Variants in FBXW7 observed in about 807,000 individuals in gnomAD.
The protein encoded by FBXW7 is F-box and WD repeat domain containing 7.
In FBXW7, 11 loss-of-function variants were observed where a neutral mutation model predicts 86.3. The observed-to-expected ratio is 0.13, with a 90% CI of 0.08 to 0.21. FBXW7 has a LOEUF of 0.21. Ranked by LOEUF, FBXW7 falls within the 10% of genes least tolerant of loss-of-function variation. FBXW7 has a pLI of 1.00. For synonymous variants in FBXW7, 313 were observed against 297.9 expected (o/e 1.05, Z -0.52); for missense variants, 488 against 847.4 (o/e 0.58, Z 5.27).
At chr4:152,454,102 G>A (rs1157798672) in intron 2 of FBXW7, among the ~76,000 whole-genome samples, 2 of 151,952 alleles carry the variant, frequency 1.3e-5, no homozygotes, top group Non-Finnish European at 2.9e-5. Context: ...ACGATATTAA[G>A]TAATACCAGT....
At chr4:152,364,588 CT>C (rs1471971676) in intron 4 of FBXW7, among the ~76,000 whole-genome samples, 1 of 152,142 alleles carries the variant, frequency 6.6e-6, no homozygotes, top group East Asian at 1.9e-4. Flanking sequence ...AAATACTTGA[CT>C]TACTAACCAA....
chr4:152,355,972 T>C (rs1366377373), intron 4 of FBXW7, among the ~76,000 whole-genome samples: 1 of 152,108 alleles, frequency 6.6e-6, no homozygotes, highest in Non-Finnish European at 1.5e-5. Flanking sequence ...ATAGTGTATA[T>C]ACAGTGAGAA....
chr4:152,472,591 C>T (rs974020858), intron 2 of FBXW7, among the ~76,000 whole-genome samples: 4 of 151,994 alleles, frequency 2.6e-5, no homozygotes, highest in South Asian at 2.1e-4. Context: ...CAAAAAAAAG[C>T]CAAGCTAATC....
intron 2 of FBXW7, among the ~76,000 whole-genome samples, chr4:152,515,785 A>G (rs1284842135): frequency 6.6e-6 from 1 of 151,696 alleles, no homozygotes; most frequent in African/African-American, 2.4e-5. Context: ...GCACTGTCCA[A>G]GCAATAATGT....
chr4:152,327,138 T>C (rs1481579135), intron 11 of FBXW7, among the ~76,000 whole-genome samples: 2 of 152,014 alleles, frequency 1.3e-5, no homozygotes, highest in East Asian at 3.9e-4. Context: ...AAAAAGTAGA[T>C]AATTAAAGGG....
At chr4:152,440,596 T>C (rs1016074202) in intron 2 of FBXW7, among the ~76,000 whole-genome samples, 4 of 152,222 alleles carry the variant, frequency 2.6e-5, no homozygotes, top group African/African-American at 9.6e-5. Context: ...TAAAACTTCT[T>C]ATGATTTTCT....
At chr4:152,426,093 TAATG>T (rs1245563064) in intron 2 of FBXW7, among the ~76,000 whole-genome samples, 1 of 152,140 alleles carries the variant, frequency 6.6e-6, no homozygotes, top group African/African-American at 2.4e-5. Context: ...AACCAGGTGG[TAATG>T]TTCCTGGGCA....
chr4:152,510,404 C>A (rs1404819665), intron 2 of FBXW7, among the ~76,000 whole-genome samples: 1 of 152,156 alleles, frequency 6.6e-6, no homozygotes, highest in Non-Finnish European at 1.5e-5. Context: ...ATACTCCCAA[C>A]AACAGTATGA....
rs192588329 is a variant in FBXW7 at position 152,441,331 on chromosome 4, C to T, written c.-119-28802G>A. Among the ~76,000 whole-genome samples, 1,451 of 152,194 alleles carry T rather than the reference C, an allele frequency of 9.5e-3. 27 individuals carry two copies. The highest frequency in any genetic ancestry group is 0.033 in the African/African-American group (1,353 of 41,534). ...CATCAGTAGCTTTGATTTTCTCTAC[C>T]CCTAAGCCTTTCAGAAATTTGCTCC... On this transcript the variant is annotated intron_variant, in intron 2 of 13. Coordinates refer to ENST00000281708, the MANE Select transcript of FBXW7 (RefSeq NM_001349798.2).
At chr4:152,362,554 T>C (rs1733066964) in intron 4 of FBXW7, among the ~76,000 whole-genome samples, 2 of 152,160 alleles carry the variant, frequency 1.3e-5, no homozygotes, top group African/African-American at 4.8e-5. Context: ...CTCATGCCTG[T>C]AATCCCAGCA....
intron 6 of FBXW7, among the ~76,000 whole-genome samples, chr4:152,341,669 T>C (rs1017328453): frequency 3.9e-5 from 6 of 152,212 alleles, no homozygotes; most frequent in Admixed American, 6.5e-5. Flanking sequence ...TTCTATTCTT[T>C]ATATTTGATG....
chr4:152,526,535 A>C (rs1181845737), intron 2 of FBXW7, among the ~76,000 whole-genome samples: 1 of 152,236 alleles, frequency 6.6e-6, no homozygotes, highest in East Asian at 1.9e-4. Flanking sequence ...ACAAAAACTA[A>C]AATTAAGTAG....
chr4:152,345,675 T>C (rs1578942432), intron 6 of FBXW7, among the ~76,000 whole-genome samples: 3 of 152,162 alleles, frequency 2.0e-5, no homozygotes, highest in African/African-American at 4.8e-5. Context: ...AAAAAGGTTA[T>C]CCTAGTTTTG....
Position 152,403,878 on chromosome 4 carries a change from G to A in FBXW7, c.501+7425C>T, listed in dbSNP as rs140215473. ...CAGACTCTGAAATTGCTCGGAGAACGGTTTTTATATGAAAAATATTCATGT... is the reference window on the plus strand; with the variant it reads ...CAGACTCTGAAATTGCTCGGAGAACAGTTTTTATATGAAAAATATTCATGT... On this transcript the variant is annotated intron_variant, in intron 4 of 13. Coordinates refer to ENST00000281708, the MANE Select transcript of FBXW7 (RefSeq NM_001349798.2). Among the ~76,000 whole-genome samples the A allele has an allele frequency of 2.6e-4, 39 of 152,188 alleles. 1 individual carries two copies. In the East Asian group the frequency reaches 7.2e-3, roughly 28 times the overall value.
intron 8 of FBXW7, among the ~76,000 whole-genome samples, chr4:152,332,086 T>C (rs985988205): frequency 6.6e-6 from 1 of 151,822 alleles, no homozygotes; most frequent in Non-Finnish European, 1.5e-5. Flanking sequence ...TTTCTGGATG[T>C]CTGCTGGGAA....
At chr4:152,526,880 C>G (rs1749561385) in intron 2 of FBXW7, among the ~76,000 whole-genome samples, 1 of 152,126 alleles carries the variant, frequency 6.6e-6, no homozygotes, top group Non-Finnish European at 1.5e-5. Flanking sequence ...ACAGTTCTGT[C>G]ATTTCTTCAG....
intron 6 of FBXW7, among the ~76,000 whole-genome samples, chr4:152,345,623 C>T (rs1288080209): frequency 1.3e-5 from 2 of 151,978 alleles, no homozygotes; most frequent in African/African-American, 2.4e-5. Flanking sequence ...AAAAACTAAT[C>T]CCTGTTGAGA....
chr4:152,487,625 AG>A (rs1029697402), intron 2 of FBXW7, among the ~76,000 whole-genome samples: 5 of 152,102 alleles, frequency 3.3e-5, no homozygotes, highest in Admixed American at 1.3e-4. Flanking sequence ...CAAAAGAATG[AG>A]ATTAGTAATC....
intron 4 of FBXW7, among the ~76,000 whole-genome samples, chr4:152,392,442 C>T (rs1736071671): frequency 6.6e-6 from 1 of 152,040 alleles, no homozygotes; most frequent in Middle Eastern, 3.4e-3. Flanking sequence ...GTAAAAAGAC[C>T]GTATTATATA....
Sources: allele counts gnomAD v4.1 joint callset (sites outside exome capture counted in the v4.1 genomes callset), GRCh38; gene constraint gnomAD v4.1.1; transcripts MANE v1.5; gene names NCBI Gene and HGNC (gene_info 2026-07-23, HGNC 2026-07-21).